The following ARFGEF3 variants were observed in gnomAD, a reference collection of about 807,000 sequenced individuals.
ARFGEF3 encodes the protein brefeldin A-inhibited guanine nucleotide-exchange protein 3.
Under a neutral mutation model 221.7 loss-of-function variants are expected in ARFGEF3, and 96 were observed. The observed-to-expected ratio is 0.43, with a 90% CI of 0.37 to 0.51. ARFGEF3 has a LOEUF of 0.51. ARFGEF3 is among the 20% of genes least tolerant of loss of function. The pLI, the probability that ARFGEF3 is intolerant of heterozygous loss-of-function variation, is 0.00. For synonymous variants in ARFGEF3, 1,145 were observed against 1,126.8 expected (o/e 1.02, Z -0.32); for missense variants, 2,410 against 2,789.9 (o/e 0.86, Z 3.07).
intron 2 of ARFGEF3, among the ~76,000 whole-genome samples, chr6:138,176,064 G>A (rs527809342): frequency 2.0e-5 from 3 of 151,896 alleles, no homozygotes; most frequent in Admixed American, 6.6e-5. Context: ...AGTGATTCCT[G>A]CTTACTTTTG....
chr6:138,174,403 C>A (rs1764037835), intron 2 of ARFGEF3, among the ~76,000 whole-genome samples: 1 of 127,784 alleles, frequency 7.8e-6, no homozygotes, highest in African/African-American at 2.9e-5. Context: ...GCACTTTAAA[C>A]CAGGAGAGCA....
At chr6:138,280,926 A>G (rs1003756984) in intron 14 of ARFGEF3, among the ~76,000 whole-genome samples, 2 of 152,176 alleles carry the variant, frequency 1.3e-5, no homozygotes, top group Non-Finnish European at 2.9e-5. Flanking sequence ...TACCAGAATT[A>G]ATAATAATGC....
chr6:138,259,783 G>A (rs545269082), intron 10 of ARFGEF3, among the ~76,000 whole-genome samples: 54 of 152,172 alleles, frequency 3.5e-4, no homozygotes, highest in Admixed American at 4.6e-4. Flanking sequence ...GCATGGTGGC[G>A]CACACCTGTG....
At chr6:138,325,920 T>C (rs1780119506) in intron 31 of ARFGEF3, among the ~76,000 whole-genome samples, 1 of 151,828 alleles carries the variant, frequency 6.6e-6, no homozygotes. Context: ...GTGCAGGGTG[T>C]GATCTCGGCT....
Position 138,217,865 on chromosome 6 carries a change from C to A in ARFGEF3, c.351+7824C>A, listed in dbSNP as rs918276894. The A allele has an allele frequency of 1.0e-5, 14 of 1,334,198 alleles. No individual in the cohort carries two copies. The African/African-American group carries it at 1.9e-4, about 18-fold the overall frequency. 82.6% of individuals were successfully genotyped at this position (1,334,198 alleles called of 1,614,324 possible). A position where few individuals can be genotyped will look rare whatever the true frequency, so the allele number is the denominator to read the frequency against. On this transcript the variant is annotated intron_variant, in intron 4 of 33. Coordinates refer to ENST00000251691, the MANE Select transcript of ARFGEF3 (RefSeq NM_020340.5). ...ACCTCCTACATCATCAAATTCTTTT[C>A]ATAAGTAAATTGAAGTTGGAATGGT...
rs1236914150 is a variant in ARFGEF3 at position 138,334,168 on chromosome 6, G to T, written c.5322G>T (p.Leu1774=). 6.2e-7 allele frequency: 1 copy of T among 1,613,928 alleles called. No individual in the cohort carries two copies. Among genetic ancestry groups the T allele is most frequent in the Non-Finnish European group, 8.5e-7 (1 of 1,179,874 alleles). ...ACTTGGCAGTCATATTCGACCTGCT[G>T]CTGGACTCTTATAGGACTGCCAGGG... ...MQNLAVIFDL[L]LDSYRTAREF... is the part of the protein sequence containing the mutation. The change falls in exon 33 of 34, where the codon CTG becomes CTT. Residue 1774 remains leucine, a synonymous_variant. Transcript: ENST00000251691. This position sits in a 1 kb window ranked among gnomAD's most constrained non-coding sequence, Gnocchi z 5.1.
intron 12 of ARFGEF3, among the ~76,000 whole-genome samples, chr6:138,275,391 C>T (rs1048303811): frequency 6.6e-6 from 1 of 152,084 alleles, no homozygotes; most frequent in Non-Finnish European, 1.5e-5. Context: ...TGGCAGAGAT[C>T]TTGAATTATT....
At chr6:138,164,769 G>A (rs191488366) in intron 1 of ARFGEF3, among the ~76,000 whole-genome samples, 42 of 152,312 alleles carry the variant, frequency 2.8e-4, no homozygotes, top group South Asian at 2.1e-4. Context: ...CATGCTCTGC[G>A]TGGGTCTCCA....
chr6:138,237,712 G>T (rs1247612702), intron 5 of ARFGEF3, among the ~76,000 whole-genome samples: 1 of 152,062 alleles, frequency 6.6e-6, no homozygotes, highest in Non-Finnish European at 1.5e-5. Flanking sequence ...GCCTAGAGAA[G>T]AACCTCTGGC....
Position 138,291,386 on chromosome 6 carries a change from G to GA in ARFGEF3, c.3048-342dup, listed in dbSNP as rs1779401803. 1.3e-5 allele frequency among the ~76,000 whole-genome samples: 2 copies of GA among 151,434 alleles called. No individual in the cohort carries two copies. Among genetic ancestry groups the GA allele is most frequent in the Non-Finnish European group, 2.9e-5 (2 of 67,818 alleles). ...TATGGAGGGAAAGAGGGTGCCTGGG[G>GA]AAAAATGGCTCAAACAGCAGGAGGG... On this transcript the variant is annotated intron_variant, in intron 18 of 33. Coordinates refer to ENST00000251691, the MANE Select transcript of ARFGEF3 (RefSeq NM_020340.5). This position sits in a 1 kb window ranked among gnomAD's most constrained non-coding sequence, Gnocchi z 4.5.
intron 32 of ARFGEF3, among the ~76,000 whole-genome samples, chr6:138,331,806 GTCAGCGTAGATGA>G (rs374698513): frequency 6.6e-6 from 1 of 152,300 alleles, no homozygotes; most frequent in African/African-American, 2.4e-5. Context: ...TGTGTCTCCT[GTCAGCGTAGATGA>G]TTAAGAATTG....
At chr6:138,199,127 G>C (rs1284389567) in intron 2 of ARFGEF3, among the ~76,000 whole-genome samples, 1 of 152,170 alleles carries the variant, frequency 6.6e-6, no homozygotes, top group East Asian at 1.9e-4. Flanking sequence ...ATCACACTCT[G>C]TCATTTGCAA....
At chr6:138,205,646 G>T (rs536643364) in intron 2 of ARFGEF3, among the ~76,000 whole-genome samples, 27 of 152,344 alleles carry the variant, frequency 1.8e-4, no homozygotes, top group Non-Finnish European at 2.4e-4. Flanking sequence ...CAGTGACAAA[G>T]TTACAGCCAC....
At position 138,341,039 on chromosome 6, in the gene ARFGEF3, A is replaced by C. The variant is rs1337461883; in HGVS notation, c.*4553A>C. 6.6e-6 allele frequency: 1 copy of C among 152,306 alleles called. No homozygotes were observed. Among genetic ancestry groups the C allele is most frequent in the Non-Finnish European group, 1.5e-5 (1 of 68,100 alleles). 9.4% of individuals were successfully genotyped at this position (152,306 alleles called of 1,614,324 possible). A position where few individuals can be genotyped will look rare whatever the true frequency, so the allele number is the denominator to read the frequency against. ...GCAGACATTCAGTGTTACTTTAGAA[A>C]ACTCACTGAATTAGGTGGAAATGAT... is the stretch of plus-strand genomic sequence containing the variant. On this transcript the variant is annotated 3_prime_UTR_variant, in exon 34 of 34. Coordinates refer to ENST00000251691, the MANE Select transcript of ARFGEF3 (RefSeq NM_020340.5).
At chr6:138,252,780 A>G (rs1778604800) in intron 8 of ARFGEF3, among the ~76,000 whole-genome samples, 2 of 152,154 alleles carry the variant, frequency 1.3e-5, no homozygotes, top group South Asian at 4.1e-4. Flanking sequence ...TACTGAGTGA[A>G]CTCTCTAAAA....
chr6:138,325,481 C>T (rs1780110405), intron 31 of ARFGEF3, among the ~76,000 whole-genome samples: 1 of 152,186 alleles, frequency 6.6e-6, no homozygotes, highest in Non-Finnish European at 1.5e-5. Context: ...GAGCACATCC[C>T]ACTGAAGCCT....
chr6:138,242,583 C>T (rs554388145), intron 6 of ARFGEF3, among the ~76,000 whole-genome samples: 4 of 152,228 alleles, frequency 2.6e-5, no homozygotes, highest in African/African-American at 4.8e-5. Context: ...GTTCTCTGTG[C>T]GAAATTAACT....
chr6:138,236,706 C>T (rs1037477332), intron 5 of ARFGEF3, among the ~76,000 whole-genome samples: 80 of 152,084 alleles, frequency 5.3e-4, no homozygotes, highest in Non-Finnish European at 4.9e-4. Context: ...TGGGCTCAAG[C>T]GATCCAGCCA....
At chr6:138,255,374 G>T (rs1490405625) in intron 9 of ARFGEF3, 62 bp from the exon 10 acceptor site, 2 of 1,220,276 alleles carry the variant, frequency 1.6e-6, no homozygotes, top group Non-Finnish European at 2.3e-6. Flanking sequence ...CTGTTTACTC[G>T]CAGAGTAAAT....
Sources: allele counts gnomAD v4.1 joint callset (sites outside exome capture counted in the v4.1 genomes callset), GRCh38; gene constraint gnomAD v4.1.1; non-coding constraint Gnocchi (gnomAD v3.1); transcripts MANE v1.5; gene names NCBI Gene and HGNC (gene_info 2026-07-23, HGNC 2026-07-21).